FSHR: variants seen among roughly 807,000 people sequenced by gnomAD.
FSHR encodes follicle-stimulating hormone receptor.
FSHR carries 46 observed loss-of-function variants against 52.1 expected under a neutral mutation model. The ratio of observed to expected loss-of-function variants is 0.88; its 90% CI spans 0.70 to 1.13. The LOEUF (loss-of-function observed/expected upper bound fraction) is 1.13, where lower values mean the gene tolerates loss of function less well. Ranked by LOEUF, FSHR falls within the 50% of genes most tolerant of loss-of-function variation. FSHR has a pLI of 0.00. For missense variants in FSHR, 964 were observed against 834.6 expected (o/e 1.16, Z -1.91); for synonymous variants, 399 against 309.6 (o/e 1.29, Z -3.03).
chr2:49,151,153 T>TTG, intron 1 of FSHR, among the ~76,000 whole-genome samples: 1 of 151,372 alleles, frequency 6.6e-6, no homozygotes, highest in Non-Finnish European at 1.5e-5. Context: ...TTTTTTTTTT[T>TTG]TTTTTTCAGA....
intron 2 of FSHR, among the ~76,000 whole-genome samples, chr2:49,024,929 G>A (rs138110674): frequency 2.5e-3 from 379 of 152,300 alleles, no homozygotes; most frequent in Non-Finnish European, 3.0e-3. Context: ...ATATTGCATT[G>A]GGTTTGCATT....
chr2:49,088,702 A>T (rs1670489855), intron 1 of FSHR, among the ~76,000 whole-genome samples: 1 of 152,186 alleles, frequency 6.6e-6, no homozygotes, highest in Admixed American at 6.5e-5. Flanking sequence ...ACTGTCACAT[A>T]AAGGTTGGTT....
At chr2:49,092,456 A>G (rs1193013780) in intron 1 of FSHR, among the ~76,000 whole-genome samples, 1 of 152,174 alleles carries the variant, frequency 6.6e-6, no homozygotes, top group African/African-American at 2.4e-5. Context: ...ATGTTTCACA[A>G]TTAAGTATGG....
At chr2:49,056,482 A>G (rs2104314720) in intron 2 of FSHR, among the ~76,000 whole-genome samples, 1 of 109,334 alleles carries the variant, frequency 9.1e-6, no homozygotes, top group East Asian at 3.1e-4. Context: ...ATATATATAT[A>G]TATATCCAAC....
At position 49,023,189 on chromosome 2, in the gene FSHR, A is replaced by G. The variant is rs115725629; in HGVS notation, c.225-3029T>C. Among the ~76,000 whole-genome samples, 455 of 152,238 alleles carry G rather than the reference A, an allele frequency of 3.0e-3. 5 individuals carry two copies. Among genetic ancestry groups the G allele is most frequent in the African/African-American group, 0.011 (445 of 41,542 alleles). ...ACTCTACCAGCACTGAAGTTTTCCT[A>G]TTGTCTAGCTTCTCACAAGATCTTT... On this transcript the variant is annotated intron_variant, in intron 2 of 9. Transcript: ENST00000406846.
At chr2:49,110,717 G>A (rs778837591) in intron 1 of FSHR, among the ~76,000 whole-genome samples, 1 of 152,102 alleles carries the variant, frequency 6.6e-6, no homozygotes, top group Admixed American at 6.6e-5. Context: ...GACTCAGCAA[G>A]CTGCAATTCC....
intron 2 of FSHR, 62 bp from the exon 3 acceptor site, chr2:49,020,222 G>T: frequency 1.5e-6 from 2 of 1,317,188 alleles, no homozygotes; most frequent in Non-Finnish European, 2.2e-6. Context: ...TATTTTTAGG[G>T]CTCAGCATAG....
intron 2 of FSHR, among the ~76,000 whole-genome samples, chr2:49,029,844 A>C (rs143596111): frequency 6.6e-6 from 1 of 152,270 alleles, no homozygotes; most frequent in East Asian, 1.9e-4. Flanking sequence ...GTTGATCCAA[A>C]TGATCTCCAG....
At chr2:49,136,999 A>C (rs143544494) in intron 1 of FSHR, among the ~76,000 whole-genome samples, 2,006 of 152,250 alleles carry the variant, frequency 0.013, 36 homozygotes, top group African/African-American at 0.046. Flanking sequence ...ACTGTACTGA[A>C]GGTTCTGGCT....
intron 2 of FSHR, among the ~76,000 whole-genome samples, chr2:49,066,720 G>C (rs1360354325): frequency 6.6e-6 from 1 of 152,012 alleles, no homozygotes; most frequent in Non-Finnish European, 1.5e-5. Flanking sequence ...CCACAGGAAG[G>C]TTTGCCTGAT....
intron 1 of FSHR, among the ~76,000 whole-genome samples, chr2:49,143,985 A>C (rs1672781396): frequency 6.6e-6 from 1 of 152,264 alleles, no homozygotes; most frequent in South Asian, 2.1e-4. Context: ...CCCTCAGAAC[A>C]GTCATGGGAG....
chr2:48,964,973 C>A (rs141333017), intron 9 of FSHR, among the ~76,000 whole-genome samples: 1 of 146,716 alleles, frequency 6.8e-6, no homozygotes, highest in South Asian at 2.2e-4. Flanking sequence ...ATAAGCCTTA[C>A]GTTAGGACCT....
chr2:49,002,428 C>T (rs939156336), intron 4 of FSHR, among the ~76,000 whole-genome samples: 2 of 151,996 alleles, frequency 1.3e-5, no homozygotes, highest in Non-Finnish European at 1.5e-5. Context: ...GAAGAAATGC[C>T]TGAGATTGGG....
chr2:48,994,777 A>G (rs1222126844), intron 4 of FSHR, among the ~76,000 whole-genome samples: 1 of 152,170 alleles, frequency 6.6e-6, no homozygotes, highest in Non-Finnish European at 1.5e-5. Context: ...TGAGGGTAAA[A>G]TGTCAGTGAA....
At chr2:49,054,602 GC>G (rs1193255886) in intron 2 of FSHR, among the ~76,000 whole-genome samples, 2 of 152,090 alleles carry the variant, frequency 1.3e-5, no homozygotes, top group Non-Finnish European at 2.9e-5. Context: ...CAAAGTAATA[GC>G]CACATGGCCC....
In FSHR at chr2:48,975,962, T is replaced by G. The variant is rs887732226; in HGVS notation, c.668+6950A>C. On this transcript the variant is annotated intron_variant, in intron 8 of 9. Coordinates refer to ENST00000406846, the MANE Select transcript of FSHR (RefSeq NM_000145.4). ...ACAATCTGACTTCCTCTCTTCCTAT[T>G]TGAATACCTTTTATTTCTTTCTCTT... Among the ~76,000 whole-genome samples, 5 of 152,198 alleles carry G rather than the reference T, an allele frequency of 3.3e-5. No homozygotes were observed. In the East Asian group the frequency reaches 9.6e-4, roughly 29 times the overall value.
chr2:49,069,995 C>T (rs1669670726), intron 1 of FSHR, among the ~76,000 whole-genome samples: 1 of 152,086 alleles, frequency 6.6e-6, no homozygotes, highest in East Asian at 1.9e-4. Context: ...TCTTTTCTTT[C>T]ACCTTGTTTG....
chr2:49,103,507 G>A (rs925429368), intron 1 of FSHR, among the ~76,000 whole-genome samples: 1 of 152,048 alleles, frequency 6.6e-6, no homozygotes, highest in Non-Finnish European at 1.5e-5. Flanking sequence ...GTGCATAGTT[G>A]TGATCCTCAG....
chr2:48,999,799 G>C (rs1676176434), intron 4 of FSHR, among the ~76,000 whole-genome samples: 1 of 152,072 alleles, frequency 6.6e-6, no homozygotes, highest in African/African-American at 2.4e-5. Context: ...AAGTTTCCAA[G>C]AGAAGGAAAT....
Sources: gnomAD v4.1 joint callset for allele counts (sites outside exome capture counted in the v4.1 genomes callset) on GRCh38, gnomAD v4.1.1 for gene constraint, MANE v1.5 for transcripts, NCBI Gene and HGNC (gene_info 2026-07-23, HGNC 2026-07-21) for gene names.